The following ACACA variants were observed in gnomAD, a reference collection of about 807,000 sequenced individuals.
The protein encoded by ACACA is acetyl-CoA carboxylase 1.
In ACACA, 103 loss-of-function variants were observed where a neutral mutation model predicts 296.1. The observed-to-expected ratio is 0.35, with a 90% CI of 0.30 to 0.41. The LOEUF is 0.41. Among genes scored for constraint, ACACA ranks in the 10% least tolerant of loss-of-function variants. ACACA has a pLI of 1.00. For synonymous variants in ACACA, 953 were observed against 1,038.6 expected (o/e 0.92, Z 1.58); for missense variants, 1,554 against 2,989.7 (o/e 0.52, Z 11.20).
chr17:37,382,892 C>T (rs1012691272), intron 1 of ACACA, among the ~76,000 whole-genome samples: 30 of 151,858 alleles, frequency 2.0e-4, no homozygotes, highest in African/African-American at 7.0e-4. Flanking sequence ...AAAAAATTAG[C>T]CAGGCATGGA....
chr17:37,312,846 G>A (rs144603532), intron 3 of ACACA, among the ~76,000 whole-genome samples: 3 of 151,794 alleles, frequency 2.0e-5, no homozygotes, highest in Non-Finnish European at 2.9e-5. Flanking sequence ...GGACAACATA[G>A]CAAGACCCCA....
chr17:37,142,643 T>A (rs1473839828), intron 45 of ACACA, among the ~76,000 whole-genome samples: 2 of 152,222 alleles, frequency 1.3e-5, no homozygotes, highest in African/African-American at 4.8e-5. Context: ...CTTTTAAAAA[T>A]GCAAATTGCT....
intron 19 of ACACA, 145 bp from the exon 20 acceptor site, chr17:37,245,359 G>A (rs1199220709): frequency 1.3e-6 from 1 of 752,314 alleles, no homozygotes; most frequent in Non-Finnish European, 2.2e-6. Flanking sequence ...TCATCTCCTA[G>A]GGACTATCAA....
chr17:37,085,864 A>G lies in ACACA; in HGVS notation c.*1452T>C, dbSNP rs1202920134. On this transcript the variant is annotated 3_prime_UTR_variant, in exon 56 of 56. Coordinates refer to ENST00000616317, the MANE Select transcript of ACACA (RefSeq NM_198834.3). ...CATACCACTGCTTCTCAAATGTCTT[A>G]GTGATTTCCTCCTTGGTCATCAGTG... 2.5e-6 allele frequency: 1 copy of G among 398,988 alleles called. No homozygotes were observed. The highest frequency in any genetic ancestry group is 2.1e-5 in the African/African-American group (1 of 48,634). 24.7% of individuals were successfully genotyped at this position (398,988 alleles called of 1,614,324 possible).
At chr17:37,119,190 C>G (rs1433034847) in intron 50 of ACACA, among the ~76,000 whole-genome samples, 1 of 152,092 alleles carries the variant, frequency 6.6e-6, no homozygotes, top group Non-Finnish European at 1.5e-5. Context: ...TTCAGGCCCC[C>G]CTTCCCTTTG....
At position 37,354,621 on chromosome 17, in the gene ACACA, G is replaced by A. The variant is rs73984210; in HGVS notation, c.39-14771C>T. 7.6e-3 allele frequency among the ~76,000 whole-genome samples: 1,159 copies of A among 152,262 alleles called. 17 individuals are homozygous for A. The highest frequency in any genetic ancestry group is 0.027 in the African/African-American group (1,125 of 41,554). On this transcript the variant is annotated intron_variant, in intron 1 of 55. Transcript: ENST00000616317. ...TCAAGCGAATACAGTACTCATTACAGTTTTTTAAAATTAAAGAAACAGGCT... is the reference window on the plus strand; with the variant it reads ...TCAAGCGAATACAGTACTCATTACAATTTTTTAAAATTAAAGAAACAGGCT...
At position 37,125,798 on chromosome 17, in the gene ACACA, C is replaced by T; in HGVS notation, c.5945-4G>A. The T allele has an allele frequency of 6.2e-7, 1 of 1,611,174 alleles. No homozygotes were observed. Reference sequence around the variant, plus strand: ...CTCAACCACTGACCTTTTTGGGCTACAGAAGGGAAAGAAAGAAAACAGAGA... The same window carrying T: ...CTCAACCACTGACCTTTTTGGGCTATAGAAGGGAAAGAAAGAAAACAGAGA... On this transcript the variant is annotated splice_region_variant and splice_polypyrimidine_tract_variant and intron_variant, in intron 47 of 55. Coordinates refer to ENST00000616317, the MANE Select transcript of ACACA (RefSeq NM_198834.3).
intron 15 of ACACA, 51 bp downstream of exon 15, chr17:37,252,835 A>G: frequency 6.2e-7 from 1 of 1,606,042 alleles, no homozygotes; most frequent in Non-Finnish European, 8.5e-7. Flanking sequence ...GATTGAGTAC[A>G]CAAGTCTATA....
At chr17:37,166,754 A>G (rs2076683744) in intron 41 of ACACA, among the ~76,000 whole-genome samples, 1 of 152,168 alleles carries the variant, frequency 6.6e-6, no homozygotes, top group Admixed American at 6.5e-5. Flanking sequence ...TTCCAATTAT[A>G]AAATGGGGAT....
Position 37,205,797 on chromosome 17 carries a change from C to G in ACACA, c.4024G>C (p.Ala1342Pro). 1.2e-6 allele frequency: 2 copies of G among 1,613,726 alleles called. No individual in the cohort carries two copies. Among genetic ancestry groups the G allele is most frequent in the South Asian group, 1.1e-5 (1 of 91,074 alleles). Residue 1342 changes from alanine to proline, a missense_variant, in exon 33 of 56, where the codon GCA (alanine) becomes CCA (proline). This residue lies in a region of ACACA where 179 missense variants were observed against 283.2 expected (regional missense o/e 0.63). Coordinates refer to ENST00000616317, the MANE Select transcript of ACACA (RefSeq NM_198834.3). ...TGGGTAAATTCTCTGAACATAGCTGCCAGCCTGTCATCCTCAATATCACAG... is the reference window on the plus strand; with the variant it reads ...TGGGTAAATTCTCTGAACATAGCTGGCAGCCTGTCATCCTCAATATCACAG... Reference protein sequence around the residue: ...TDCDIEDDRLAAMFREFTQQN... With the variant: ...TDCDIEDDRLPAMFREFTQQN...
rs758721821 is a variant in ACACA at position 37,113,084 on chromosome 17, C to CT, written c.6452+3dup. Reference sequence around the variant, plus strand: ...AGTGAATGGAAATGTGGAAGGCACGCTACCTGCTTTCTCGGTCAGCATACA... The same window carrying CT: ...AGTGAATGGAAATGTGGAAGGCACGCTTACCTGCTTTCTCGGTCAGCATACA... On this transcript the variant is annotated splice_donor_region_variant and intron_variant, in intron 51 of 55. Coordinates refer to ENST00000616317, the MANE Select transcript of ACACA (RefSeq NM_198834.3). The surrounding 1 kb of genome is among the most constrained non-coding windows in gnomAD (Gnocchi z 4.0). 3 of 1,613,992 alleles carry CT rather than the reference C, an allele frequency of 1.9e-6. No homozygotes were observed. In the African/African-American group the frequency reaches 4.0e-5, roughly 22 times the overall value.
intron 1 of ACACA, among the ~76,000 whole-genome samples, chr17:37,398,281 C>CTTTTTT (rs777127866): frequency 5.1e-5 from 4 of 79,176 alleles, no homozygotes; most frequent in African/African-American, 1.5e-4. Context: ...TGTGGTATCA[C>CTTTTTT]TTTTTTTTTT....
At chr17:37,221,911 A>C (rs1265708984) in intron 28 of ACACA, 69 bp from the exon 29 acceptor site, 1 of 1,388,194 alleles carries the variant, frequency 7.2e-7, no homozygotes, top group African/African-American at 1.4e-5. Flanking sequence ...CCAGAAAAAG[A>C]GTCTTGAAAC....
intron 49 of ACACA, 103 bp downstream of exon 49, chr17:37,122,428 T>A: frequency 1.1e-6 from 1 of 948,124 alleles, no homozygotes; most frequent in Non-Finnish European, 1.7e-6. Flanking sequence ...CTGATGCCCT[T>A]CCCTCTAAAA....
rs1395743022 is a variant in ACACA, at chr17:37,216,677, T to C, written c.3683+5047A>G. Among the ~76,000 whole-genome samples the C allele has an allele frequency of 3.3e-5, 5 of 152,094 alleles. No individual in the cohort carries two copies. The South Asian group carries it at 8.4e-4, about 25-fold the overall frequency. ...ACCAAATATGTTACTACAAAGCAAC[T>C]GTTCAAGTGTGCTAAAAACAGGTGT... On this transcript the variant is annotated intron_variant, in intron 29 of 55. Transcript: ENST00000616317.
At chr17:37,400,916 G>A (rs1477242109) in intron 1 of ACACA, among the ~76,000 whole-genome samples, 2 of 152,094 alleles carry the variant, frequency 1.3e-5, no homozygotes, top group East Asian at 1.9e-4. Context: ...ACCCAGAAGT[G>A]GATTATTGGA....
chr17:37,379,051 G>A, intron 1 of ACACA: 1 of 1,444,812 alleles, frequency 6.9e-7, no homozygotes, highest in Admixed American at 2.4e-5. Context: ...CAGCTTGGGT[G>A]ACAGAGCAAG....
At chr17:37,376,321 CAG>C (rs2050000828) in intron 1 of ACACA, among the ~76,000 whole-genome samples, 1 of 152,174 alleles carries the variant, frequency 6.6e-6, no homozygotes, top group African/African-American at 2.4e-5. Context: ...TTATTCATTC[CAG>C]AGAGATAGCT....
At chr17:37,108,068 C>T (rs765823436) in intron 52 of ACACA, among the ~76,000 whole-genome samples, 47 of 152,194 alleles carry the variant, frequency 3.1e-4, no homozygotes, top group Admixed American at 9.2e-4. Flanking sequence ...CTCCTCCTTG[C>T]AATGACTCTA....
Sources: gnomAD v4.1 joint callset for allele counts (sites outside exome capture counted in the v4.1 genomes callset) on GRCh38, gnomAD v4.1.1 for gene constraint, gnomAD v4.1.1 regional missense constraint, Gnocchi (gnomAD v3.1) non-coding constraint, MANE v1.5 for transcripts, NCBI Gene and HGNC (gene_info 2026-07-23, HGNC 2026-07-21) for gene names.